Variants in PAX5 observed in about 807,000 individuals in gnomAD.
The protein encoded by PAX5 is paired box protein Pax-5.
A neutral mutation model predicts 43.7 loss-of-function variants in PAX5; 9 were observed. That is an observed-to-expected ratio of 0.21 (90% CI 0.12 to 0.36). PAX5 has a LOEUF of 0.36. Among genes scored for constraint, PAX5 ranks in the 10% least tolerant of loss-of-function variants. PAX5 has a pLI of 1.00. For synonymous variants in PAX5, 228 were observed against 214.3 expected (o/e 1.06, Z -0.56); for missense variants, 383 against 532.7 (o/e 0.72, Z 2.77).
chr9:36,846,974 T>C (rs755745520), intron 8 of PAX5, 45 bp from the exon 9 acceptor site: 1 of 1,441,050 alleles, frequency 6.9e-7, no homozygotes. Flanking sequence ...AAACGTCAAA[T>C]CCAGTTCAGA....
intron 2 of PAX5, among the ~76,000 whole-genome samples, chr9:37,018,410 A>G (rs1839569685): frequency 6.6e-6 from 1 of 151,068 alleles, no homozygotes; most frequent in Admixed American, 6.6e-5. Flanking sequence ...GAATGCCCAC[A>G]CTCCTGGCAG....
chr9:36,985,923 A>G (rs1462907552), intron 5 of PAX5, among the ~76,000 whole-genome samples: 2 of 152,242 alleles, frequency 1.3e-5, no homozygotes, highest in East Asian at 3.9e-4. Flanking sequence ...GAGGGAAGAA[A>G]GAGTGGCAGT....
intron 3 of PAX5, 49 bp downstream of exon 3, chr9:37,014,948 C>T (rs201365580): frequency 4.6e-6 from 7 of 1,533,850 alleles, no homozygotes; most frequent in African/African-American, 1.4e-5. Context: ...CTCCAGGATG[C>T]CCTGCCATCC....
intron 7 of PAX5, among the ~76,000 whole-genome samples, chr9:36,894,559 G>A (rs1827685387): frequency 6.6e-6 from 1 of 152,182 alleles, no homozygotes; most frequent in Non-Finnish European, 1.5e-5. Context: ...CACACTCACT[G>A]GCCATGTGAT....
At chr9:36,927,576 T>C (rs1298401968) in intron 6 of PAX5, among the ~76,000 whole-genome samples, 3 of 152,096 alleles carry the variant, frequency 2.0e-5, no homozygotes, top group Admixed American at 1.3e-4. Flanking sequence ...GGTCCGAAAA[T>C]CCAGGCATCC....
rs1040368265 is a variant in PAX5 at position 37,022,667 on chromosome 9, G to A, written c.47-1866C>T. Among the ~76,000 whole-genome samples the A allele has an allele frequency of 2.6e-5, 4 of 152,296 alleles. No individual in the cohort carries two copies. The East Asian group carries it at 7.7e-4, about 29-fold the overall frequency. On this transcript the variant is annotated intron_variant, in intron 1 of 9. Coordinates refer to ENST00000358127, the MANE Select transcript of PAX5 (RefSeq NM_016734.3). Reference sequence around the variant, plus strand: ...CCTTCAGAGGACTTAAATTCCAAAAGCAGTCCTGCAGGACATTTATGAGCA... The same window carrying A: ...CCTTCAGAGGACTTAAATTCCAAAAACAGTCCTGCAGGACATTTATGAGCA...
intron 5 of PAX5, among the ~76,000 whole-genome samples, chr9:37,001,535 G>A (rs1232579454): frequency 6.6e-6 from 1 of 152,246 alleles, no homozygotes; most frequent in Non-Finnish European, 1.5e-5. Flanking sequence ...AGGCAAGGCA[G>A]GTTCCAAAAG....
At chr9:36,932,939 T>C (rs1487133977) in intron 6 of PAX5, among the ~76,000 whole-genome samples, 2 of 151,886 alleles carry the variant, frequency 1.3e-5, no homozygotes, top group Non-Finnish European at 2.9e-5. Flanking sequence ...GTGGAGTACC[T>C]GAGGTCAGGA....
intron 6 of PAX5, among the ~76,000 whole-genome samples, chr9:36,960,618 T>C (rs1245153692): frequency 6.6e-6 from 1 of 152,152 alleles, no homozygotes; most frequent in African/African-American, 2.4e-5. Context: ...CCAGTGAAGG[T>C]TGCTTCCAAG....
In PAX5 at chr9:36,862,710, C is replaced by T. The variant is rs1037808261; in HGVS notation, c.1013-15781G>A. On this transcript the variant is annotated intron_variant, in intron 8 of 9. Transcript: ENST00000358127. The stretch of plus-strand genomic sequence containing the variant: ...TGCCCAGGTTTGCGTGCCTGTTTCC[C>T]GTCTTGGCCCACAGGTTCTTTAAGG... 3.3e-5 allele frequency among the ~76,000 whole-genome samples: 5 copies of T among 152,232 alleles called. 1 individual carries two copies. Among genetic ancestry groups the T allele is most frequent in the East Asian group, 3.9e-4 (2 of 5,178 alleles).
chr9:36,851,312 G>A (rs906664184), intron 8 of PAX5, among the ~76,000 whole-genome samples: 3 of 152,144 alleles, frequency 2.0e-5, no homozygotes, highest in Non-Finnish European at 4.4e-5. Flanking sequence ...GGGGCTGGGG[G>A]TAGAAGAACA....
chr9:36,866,862 C>T (rs886458069), intron 8 of PAX5, among the ~76,000 whole-genome samples: 5 of 152,164 alleles, frequency 3.3e-5, no homozygotes, highest in African/African-American at 1.2e-4. Flanking sequence ...AACGGCCTCT[C>T]CGTTGAACAC....
chr9:37,008,211 C>T lies in PAX5; in HGVS notation c.411-1674G>A, dbSNP rs1192032927. 3.3e-5 allele frequency among the ~76,000 whole-genome samples: 5 copies of T among 152,162 alleles called. No individual in the cohort carries two copies. In the East Asian group the frequency reaches 9.6e-4, roughly 29 times the overall value. On this transcript the variant is annotated intron_variant, in intron 3 of 9. Coordinates refer to ENST00000358127, the MANE Select transcript of PAX5 (RefSeq NM_016734.3). ...AGTAGCTGGGACTACAGGCGCATGC[C>T]ACTGCCTAATTTTTGTATTTTTAGT...
intron 5 of PAX5, among the ~76,000 whole-genome samples, chr9:36,981,314 A>G (rs1835911269): frequency 6.6e-6 from 1 of 151,458 alleles, no homozygotes; most frequent in Non-Finnish European, 1.5e-5. Context: ...AACGTCACTC[A>G]TGTGGGCAAA....
chr9:37,034,096 T>TTG lies in PAX5; in HGVS notation c.-66_-65insCA. 3 of 727,034 alleles carry TTG rather than the reference T, an allele frequency of 4.1e-6. No individual in the cohort carries two copies. Among genetic ancestry groups the TTG allele is most frequent in the Non-Finnish European group, 2.2e-6 (1 of 456,914 alleles). The allele number at this position is 727,034 out of a possible 1,614,324, so 45.0% of individuals were successfully genotyped here. ...TTTCCACTTTTTTGTGCCTTTTTTTTTCTTTTTTTTTTTTTTTTTTTTTTT... is the reference window on the plus strand; with the variant it reads ...TTTCCACTTTTTTGTGCCTTTTTTTTTGTCTTTTTTTTTTTTTTTTTTTTTTT... On this transcript the variant is annotated 5_prime_UTR_variant, in exon 1 of 10. Coordinates refer to ENST00000358127, the MANE Select transcript of PAX5 (RefSeq NM_016734.3).
chr9:37,020,581 A>G, intron 2 of PAX5, 55 bp downstream of exon 2: 1 of 1,549,470 alleles, frequency 6.5e-7, no homozygotes, highest in Non-Finnish European at 8.9e-7. Flanking sequence ...CTGCTGGGTC[A>G]TGTTTTAGGT....
chr9:36,839,300 C>A lies in PAX5; in HGVS notation c.*1260G>T, dbSNP rs1821862131. The A allele has an allele frequency of 4.3e-6, 1 of 233,438 alleles. No individual in the cohort carries two copies. Among genetic ancestry groups the A allele is most frequent in the Admixed American group, 5.6e-5 (1 of 17,790 alleles). 14.5% of individuals were successfully genotyped at this position (233,438 alleles called of 1,614,324 possible). A position where few individuals can be genotyped will look rare whatever the true frequency, so the allele number is the denominator to read the frequency against. ...AAGTTCCCGTGGCCCTTGGCCGTGG[C>A]CCTGACCATCGCGGCCCCTTAGATC... On this transcript the variant is annotated 3_prime_UTR_variant, in exon 10 of 10. Coordinates refer to ENST00000358127, the MANE Select transcript of PAX5 (RefSeq NM_016734.3).
chr9:37,017,988 T>G (rs1370660144), intron 2 of PAX5, among the ~76,000 whole-genome samples: 1 of 152,194 alleles, frequency 6.6e-6, no homozygotes, highest in Non-Finnish European at 1.5e-5. Flanking sequence ...ACAATGTCCT[T>G]CGGTGCAAAG....
At chr9:36,853,875 C>A (rs1346750655) in intron 8 of PAX5, among the ~76,000 whole-genome samples, 1 of 152,204 alleles carries the variant, frequency 6.6e-6, no homozygotes, top group African/African-American at 2.4e-5. Flanking sequence ...TCCTAAAATT[C>A]TCAGAAGTGA....
Sources: allele counts gnomAD v4.1 joint callset (sites outside exome capture counted in the v4.1 genomes callset), GRCh38; gene constraint gnomAD v4.1.1; transcripts MANE v1.5; gene names NCBI Gene and HGNC (gene_info 2026-07-23, HGNC 2026-07-21).